AGBL1: variants seen among roughly 807,000 people sequenced by gnomAD.
AGBL1 encodes cytosolic carboxypeptidase 4.
AGBL1 carries 130 observed loss-of-function variants against 118.9 expected under a neutral mutation model. The ratio of observed to expected loss-of-function variants is 1.09; its 90% CI spans 0.95 to 1.26. The LOEUF (loss-of-function observed/expected upper bound fraction) is 1.26, where lower values mean the gene tolerates loss of function less well. Among genes scored for constraint, AGBL1 ranks in the 50% most tolerant of loss-of-function variants. The pLI is 0.00. For missense variants in AGBL1, 1,584 were observed against 1,298.1 expected (o/e 1.22, Z -3.38); for synonymous variants, 555 against 478.9 (o/e 1.16, Z -2.08).
intron 18 of AGBL1, among the ~76,000 whole-genome samples, chr15:86,470,453 C>T (rs1291470584): frequency 6.6e-6 from 1 of 152,038 alleles, no homozygotes; most frequent in Non-Finnish European, 1.5e-5. Flanking sequence ...TGGTACCATT[C>T]TGTTTTAATT....
At chr15:86,349,295 G>T (rs2080588187) in intron 17 of AGBL1, among the ~76,000 whole-genome samples, 1 of 152,164 alleles carries the variant, frequency 6.6e-6, no homozygotes, top group Non-Finnish European at 1.5e-5. Context: ...CGCTGGGAAT[G>T]GTGCTAGACA....
chr15:86,342,799 A>G (rs1181588718), intron 17 of AGBL1, among the ~76,000 whole-genome samples: 3 of 152,226 alleles, frequency 2.0e-5, no homozygotes, highest in African/African-American at 7.2e-5. Flanking sequence ...TACTAGATTT[A>G]TGTTGATTAT....
chr15:86,872,725 C>T (rs925717036), intron 22 of AGBL1, among the ~76,000 whole-genome samples: 1 of 152,132 alleles, frequency 6.6e-6, no homozygotes, highest in Non-Finnish European at 1.5e-5. Context: ...CACTGCACTC[C>T]AGCCTGGGCG....
intron 21 of AGBL1, among the ~76,000 whole-genome samples, chr15:86,627,784 G>C (rs2084909181): frequency 6.6e-6 from 1 of 152,182 alleles, no homozygotes; most frequent in African/African-American, 2.4e-5. Context: ...GTAGTGGCAG[G>C]GACCTCAGGG....
chr15:86,677,323 C>T (rs2142558392), intron 22 of AGBL1, among the ~76,000 whole-genome samples: 1 of 152,288 alleles, frequency 6.6e-6, no homozygotes, highest in South Asian at 2.1e-4. Flanking sequence ...TTTCCTTTTG[C>T]AGTCCTCTTC....
intron 22 of AGBL1, among the ~76,000 whole-genome samples, chr15:86,814,121 G>T (rs1295544129): frequency 2.6e-5 from 4 of 152,156 alleles, no homozygotes; most frequent in Non-Finnish European, 5.9e-5. Context: ...GCAGGCCCCA[G>T]AGCAGGAGAT....
intron 23 of AGBL1, among the ~76,000 whole-genome samples, chr15:86,930,445 A>G (rs1401933576): frequency 3.9e-5 from 6 of 152,164 alleles, no homozygotes; most frequent in Middle Eastern, 3.2e-3. Flanking sequence ...TGTTGGGGGC[A>G]CTGCTTCGGG....
In AGBL1 at chr15:86,117,453, CTA is replaced by C. The variant is rs1364539452; in HGVS notation, c.52-24549_52-24548del. On this transcript the variant is annotated intron_variant, in intron 1 of 22. Coordinates refer to ENST00000614907, the MANE Select transcript of AGBL1 (RefSeq NM_001386094.1). ...GTAATTTCCAATTTTCCCTGTGTGA[CTA>C]TTGTGTTGAGCAAGTTTTGTAACTT... 2.6e-5 allele frequency among the ~76,000 whole-genome samples: 4 copies of C among 152,226 alleles called. No individual in the cohort carries two copies. The East Asian group carries it at 5.8e-4, about 22-fold the overall frequency.
At chr15:86,296,318 A>G (rs370128112) in intron 17 of AGBL1, 83 of 152,286 alleles carry the variant, frequency 5.5e-4, no homozygotes, top group African/African-American at 1.9e-3. Context: ...CTGGATGCCC[A>G]GCTTAATTTA....
At chr15:86,222,057 T>A (rs1372198821) in intron 5 of AGBL1, among the ~76,000 whole-genome samples, 1 of 152,172 alleles carries the variant, frequency 6.6e-6, no homozygotes, top group Admixed American at 6.5e-5. Flanking sequence ...CAAATGCACA[T>A]CTTCTGACTC....
intron 21 of AGBL1, among the ~76,000 whole-genome samples, chr15:86,609,334 G>A (rs1353812074): frequency 6.6e-6 from 1 of 152,206 alleles, no homozygotes; most frequent in African/African-American, 2.4e-5. Flanking sequence ...GAAGTTGCTA[G>A]GTTGCTGAGA....
intron 22 of AGBL1, among the ~76,000 whole-genome samples, chr15:86,759,473 G>A (rs1223977290): frequency 6.6e-6 from 1 of 152,058 alleles, no homozygotes; most frequent in Non-Finnish European, 1.5e-5. Context: ...GCATAGTGCT[G>A]GGCATCAAGG....
chr15:86,253,106 G>C (rs1374440622), intron 7 of AGBL1, among the ~76,000 whole-genome samples: 1 of 152,074 alleles, frequency 6.6e-6, no homozygotes, highest in African/African-American at 2.4e-5. Flanking sequence ...GTGGGAGGTG[G>C]GTGAGCTTGA....
chr15:86,739,656 C>A (rs1337720175), intron 22 of AGBL1, among the ~76,000 whole-genome samples: 1 of 151,794 alleles, frequency 6.6e-6, no homozygotes, highest in Non-Finnish European at 1.5e-5. Flanking sequence ...ATCTATCCAC[C>A]CTTAGAATAA....
intron 3 of AGBL1, among the ~76,000 whole-genome samples, chr15:86,149,805 C>A (rs142161309): frequency 6.6e-6 from 1 of 152,176 alleles, no homozygotes; most frequent in Admixed American, 6.5e-5. Context: ...ACTCTCCACC[C>A]CAAATCAACA....
rs80149413 is a variant in AGBL1 at position 86,201,200 on chromosome 15, G to A, written c.489-23714G>A. On this transcript the variant is annotated intron_variant, in intron 5 of 22. Coordinates refer to ENST00000614907, the MANE Select transcript of AGBL1 (RefSeq NM_001386094.1). ...GTCCAGGCTACCAGTGTTTTAAAAC[G>A]ACTGTGTACTTATCTATAGATCAAT... Among the ~76,000 whole-genome samples the A allele has an allele frequency of 4.5e-4, 68 of 152,148 alleles. No individual in the cohort carries two copies. The East Asian group carries it at 0.012, about 26-fold the overall frequency.
At chr15:86,414,691 G>A (rs1403114279) in intron 18 of AGBL1, among the ~76,000 whole-genome samples, 1 of 152,178 alleles carries the variant, frequency 6.6e-6, no homozygotes, top group Non-Finnish European at 1.5e-5. Context: ...ATTTCCTGAA[G>A]TTATTTGAAC....
At chr15:86,569,211 A>G (rs1002579222) in intron 21 of AGBL1, among the ~76,000 whole-genome samples, 1 of 152,174 alleles carries the variant, frequency 6.6e-6, no homozygotes, top group Non-Finnish European at 1.5e-5. Context: ...GTGGGAGAAT[A>G]GCCTGAGTCC....
At chr15:86,540,383 C>G (rs984683776) in intron 19 of AGBL1, among the ~76,000 whole-genome samples, 1 of 152,080 alleles carries the variant, frequency 6.6e-6, no homozygotes, top group South Asian at 2.1e-4. Context: ...TGCCTGAGCT[C>G]AGGAGTTTGA....
Sources: allele counts gnomAD v4.1 joint callset (sites outside exome capture counted in the v4.1 genomes callset), GRCh38; gene constraint gnomAD v4.1.1; transcripts MANE v1.5; gene names NCBI Gene and HGNC (gene_info 2026-07-23, HGNC 2026-07-21).